Variants in NRXN1 observed in about 807,000 individuals in gnomAD.
NRXN1 encodes the protein neurexin 1, also known as neurexin-1.
NRXN1 carries 39 observed loss-of-function variants against 150.9 expected under a neutral mutation model. The observed-to-expected ratio is 0.26, with a 90% CI of 0.20 to 0.34. The LOEUF is 0.34. Ranked by LOEUF, NRXN1 falls within the 10% of genes least tolerant of loss-of-function variation. NRXN1 has a pLI of 1.00. For missense variants in NRXN1, 1,815 were observed against 1,949.9 expected (o/e 0.93, Z 1.30); for synonymous variants, 924 against 757.0 (o/e 1.22, Z -3.62).
chr2:50,122,330 G>C (rs546520408), intron 18 of NRXN1, among the ~76,000 whole-genome samples: 13 of 152,190 alleles, frequency 8.5e-5, no homozygotes, highest in Non-Finnish European at 1.6e-4. Context: ...TGAAAGCAAA[G>C]GCTAATTTTT....
At chr2:50,144,849 C>G (rs1202510162) in intron 18 of NRXN1, among the ~76,000 whole-genome samples, 2 of 151,600 alleles carry the variant, frequency 1.3e-5, no homozygotes, top group African/African-American at 4.8e-5. Context: ...ACACTGTATA[C>G]AACATGATAG....
intron 17 of NRXN1, among the ~76,000 whole-genome samples, chr2:50,337,360 C>T (rs2152989951): frequency 6.6e-6 from 1 of 152,204 alleles, no homozygotes; most frequent in South Asian, 2.1e-4. Flanking sequence ...GCTGGGACTA[C>T]AGGCGTGAGC....
intron 17 of NRXN1, among the ~76,000 whole-genome samples, chr2:50,312,510 TTGACAG>T (rs994454232): frequency 1.4e-4 from 22 of 152,168 alleles, no homozygotes; most frequent in Admixed American, 7.9e-4. Flanking sequence ...ATAGCTAGTT[TTGACAG>T]TGCTTTTACA....
At chr2:50,338,012 T>C (rs1339279879) in intron 17 of NRXN1, among the ~76,000 whole-genome samples, 1 of 152,204 alleles carries the variant, frequency 6.6e-6, no homozygotes, top group East Asian at 1.9e-4. Flanking sequence ...GCACAAAACG[T>C]TATCCACTAG....
intron 21 of NRXN1, among the ~76,000 whole-genome samples, chr2:49,983,240 A>T (rs915415878): frequency 2.8e-4 from 43 of 152,240 alleles, no homozygotes; most frequent in African/African-American, 1.0e-3. Flanking sequence ...AACTCAAGGG[A>T]TGAGCCGCTG....
At chr2:50,211,494 C>A (rs1401940031) in intron 18 of NRXN1, among the ~76,000 whole-genome samples, 1 of 151,348 alleles carries the variant, frequency 6.6e-6, no homozygotes, top group Non-Finnish European at 1.5e-5. Context: ...TTGTAATTTT[C>A]ATATTAAATG....
intron 18 of NRXN1, among the ~76,000 whole-genome samples, chr2:50,193,316 C>A (rs2061559532): frequency 6.6e-6 from 1 of 152,130 alleles, no homozygotes; most frequent in Non-Finnish European, 1.5e-5. Flanking sequence ...TCAAATTCAG[C>A]TGTTAAATAT....
intron 5 of NRXN1, among the ~76,000 whole-genome samples, chr2:50,648,449 A>G (rs1256092441): frequency 1.3e-5 from 2 of 152,028 alleles, no homozygotes; most frequent in African/African-American, 2.4e-5. Flanking sequence ...ACCAAATGGA[A>G]TTCACTTTAA....
rs186822216 is a variant in NRXN1, at chr2:50,663,106, C to T, written c.833-39491G>A. On this transcript the variant is annotated intron_variant, in intron 5 of 22. Coordinates refer to ENST00000401669, the MANE Select transcript of NRXN1 (RefSeq NM_001330078.2). Reference sequence around the variant, plus strand: ...GCCAGAGAAGAAAACATGTCCAAGACATCTTCATCTGCTTCGCAGTGTTTC... The same window carrying T: ...GCCAGAGAAGAAAACATGTCCAAGATATCTTCATCTGCTTCGCAGTGTTTC... Among the ~76,000 whole-genome samples, 81 of 152,164 alleles carry T rather than the reference C, an allele frequency of 5.3e-4. 2 individuals carry two copies. The highest frequency in any genetic ancestry group is 1.9e-3 in the African/African-American group (80 of 41,554).
chr2:50,117,933 T>C (rs1465001314), intron 18 of NRXN1, among the ~76,000 whole-genome samples: 1 of 152,182 alleles, frequency 6.6e-6, no homozygotes, highest in Non-Finnish European at 1.5e-5. Context: ...TGATATTGTC[T>C]AGACTCTCCA....
intron 18 of NRXN1, among the ~76,000 whole-genome samples, chr2:50,093,831 G>A (rs1413233684): frequency 6.6e-6 from 1 of 152,032 alleles, no homozygotes. Context: ...AAGCAATTTG[G>A]CTAAGGTCGC....
chr2:50,765,126 T>C (rs751605731), intron 5 of NRXN1, among the ~76,000 whole-genome samples: 13 of 152,062 alleles, frequency 8.5e-5, no homozygotes, highest in Non-Finnish European at 1.9e-4. Flanking sequence ...CCTCTTTCCA[T>C]GAAACTAACT....
intron 5 of NRXN1, among the ~76,000 whole-genome samples, chr2:50,877,652 TATAATCACTTGACTATACTACATTA>T (rs1678807670): frequency 6.6e-6 from 1 of 151,960 alleles, no homozygotes; most frequent in African/African-American, 2.4e-5. Flanking sequence ...AAACAAGCAA[TATAATCACTTGACTATACTACATTA>T]ATAGTATTTG....
intron 5 of NRXN1, among the ~76,000 whole-genome samples, chr2:50,651,943 T>C (rs566711547): frequency 6.6e-6 from 1 of 151,958 alleles, no homozygotes; most frequent in South Asian, 2.1e-4. Flanking sequence ...AATGAGCAGG[T>C]TATTGTAGGG....
intron 5 of NRXN1, among the ~76,000 whole-genome samples, chr2:50,735,664 C>A (rs1698646921): frequency 6.6e-6 from 1 of 152,208 alleles, no homozygotes; most frequent in Non-Finnish European, 1.5e-5. Flanking sequence ...CTCTCTTTAT[C>A]TCAGCTATGC....
At chr2:50,022,279 G>A (rs895793623) in intron 21 of NRXN1, among the ~76,000 whole-genome samples, 3 of 152,196 alleles carry the variant, frequency 2.0e-5, no homozygotes, top group African/African-American at 7.2e-5. Flanking sequence ...ACTGCGCCCG[G>A]CTACAGGCAA....
intron 17 of NRXN1, among the ~76,000 whole-genome samples, chr2:50,287,414 G>A (rs2072336925): frequency 6.6e-6 from 1 of 152,086 alleles, no homozygotes; most frequent in Admixed American, 6.6e-5. Context: ...TGACATTGTT[G>A]TCTTCCAAAT....
At chr2:50,049,041 G>C (rs1692277866) in intron 21 of NRXN1, among the ~76,000 whole-genome samples, 2 of 152,026 alleles carry the variant, frequency 1.3e-5, no homozygotes, top group Admixed American at 6.6e-5. Context: ...GACAAATTTT[G>C]CTCTGAATAT....
chr2:50,234,786 C>T (rs115144909), intron 18 of NRXN1, among the ~76,000 whole-genome samples: 10 of 151,966 alleles, frequency 6.6e-5, no homozygotes, highest in Middle Eastern at 3.4e-3. Flanking sequence ...CCAAAGAGAA[C>T]GACCAGGCAA....
Sources: allele counts gnomAD v4.1 joint callset (sites outside exome capture counted in the v4.1 genomes callset), GRCh38; gene constraint gnomAD v4.1.1; transcripts MANE v1.5; gene names NCBI Gene and HGNC (gene_info 2026-07-23, HGNC 2026-07-21).